The following PARD3 variants were observed in gnomAD, a reference collection of about 807,000 sequenced individuals.
PARD3 encodes par-3 family cell polarity regulator, also known as partitioning defective 3 homolog.
Under a neutral mutation model 155.4 loss-of-function variants are expected in PARD3, and 75 were observed. The observed-to-expected ratio is 0.48, with a 90% CI of 0.40 to 0.58. The LOEUF (loss-of-function observed/expected upper bound fraction) is 0.58. Among genes scored for constraint, PARD3 ranks in the 20% least tolerant of loss-of-function variants. PARD3 has a pLI of 0.00. For synonymous variants in PARD3, 576 were observed against 610.5 expected (o/e 0.94, Z 0.83); for missense variants, 1,642 against 1,721.7 (o/e 0.95, Z 0.82).
intron 1 of PARD3, among the ~76,000 whole-genome samples, chr10:34,807,443 G>C (rs1843548435): frequency 6.6e-6 from 1 of 152,074 alleles, no homozygotes; most frequent in Non-Finnish European, 1.5e-5. Context: ...GAATAGAACT[G>C]TGCAACCATC....
intron 22 of PARD3, among the ~76,000 whole-genome samples, chr10:34,222,470 T>A (rs189200100): frequency 1.3e-5 from 2 of 152,354 alleles, no homozygotes; most frequent in Admixed American, 1.3e-4. Context: ...GAACCTTCTA[T>A]GTACGTACCT....
At chr10:34,318,822 G>A (rs769960299) in intron 19 of PARD3, among the ~76,000 whole-genome samples, 4 of 152,048 alleles carry the variant, frequency 2.6e-5, no homozygotes, top group Non-Finnish European at 5.9e-5. Context: ...CTGGAGTGCA[G>A]TGGTGTGATC....
intron 1 of PARD3, among the ~76,000 whole-genome samples, chr10:34,699,186 T>C (rs1430920922): frequency 6.6e-6 from 1 of 152,188 alleles, no homozygotes; most frequent in East Asian, 1.9e-4. Context: ...CAAGCAATCA[T>C]GATAACATCA....
At chr10:34,219,119 C>G (rs1952152181) in intron 22 of PARD3, among the ~76,000 whole-genome samples, 1 of 152,120 alleles carries the variant, frequency 6.6e-6, no homozygotes, top group African/African-American at 2.4e-5. Flanking sequence ...CTGGGCCTGC[C>G]CACTTTATGT....
intron 4 of PARD3, among the ~76,000 whole-genome samples, chr10:34,458,924 A>AT (rs2077477527): frequency 6.6e-6 from 1 of 152,130 alleles, no homozygotes; most frequent in South Asian, 2.1e-4. Context: ...CGGGACCACC[A>AT]TTTTTGACCT....
chr10:34,120,790 C>G (rs1292179372), intron 23 of PARD3, among the ~76,000 whole-genome samples: 2 of 152,248 alleles, frequency 1.3e-5, no homozygotes. Context: ...TTAATCATCC[C>G]CTATAGAGAA....
intron 15 of PARD3, among the ~76,000 whole-genome samples, chr10:34,347,687 T>C (rs1459369140): frequency 2.0e-5 from 3 of 152,206 alleles, no homozygotes; most frequent in Admixed American, 2.0e-4. Flanking sequence ...AATATCTTGA[T>C]CACTAGAAAA....
chr10:34,415,176 C>T (rs896858032), intron 5 of PARD3, among the ~76,000 whole-genome samples: 19 of 150,066 alleles, frequency 1.3e-4, no homozygotes, highest in Non-Finnish European at 8.9e-5. Context: ...TCTCCACAAA[C>T]AAAAAAAAAG....
At chr10:34,458,647 T>G (rs2077459667) in intron 4 of PARD3, among the ~76,000 whole-genome samples, 3 of 152,170 alleles carry the variant, frequency 2.0e-5, no homozygotes, top group Non-Finnish European at 4.4e-5. Flanking sequence ...CAGGTATAAC[T>G]TAGATTATCT....
chr10:34,633,918 T>G (rs2092373628), intron 2 of PARD3, among the ~76,000 whole-genome samples: 2 of 152,194 alleles, frequency 1.3e-5, no homozygotes, highest in Admixed American at 6.5e-5. Context: ...ACTTTTCCTT[T>G]CTCTAGTTTT....
At chr10:34,229,368 T>C (rs1335044917) in intron 22 of PARD3, among the ~76,000 whole-genome samples, 1 of 152,016 alleles carries the variant, frequency 6.6e-6, no homozygotes, top group African/African-American at 2.4e-5. Context: ...TACAGGTGTG[T>C]ACCACTATGC....
intron 2 of PARD3, among the ~76,000 whole-genome samples, chr10:34,596,561 A>C (rs1382599891): frequency 6.6e-6 from 1 of 152,196 alleles, no homozygotes; most frequent in Non-Finnish European, 1.5e-5. Context: ...ACACACTATC[A>C]CAAGAACAGC....
chr10:34,122,486 A>G (rs540454120), intron 23 of PARD3, among the ~76,000 whole-genome samples: 1 of 152,352 alleles, frequency 6.6e-6, no homozygotes, highest in East Asian at 1.9e-4. Context: ...AAAACTTAAA[A>G]GGAGTGAATG....
At chr10:34,213,031 A>G (rs1328837981) in intron 22 of PARD3, among the ~76,000 whole-genome samples, 1 of 152,164 alleles carries the variant, frequency 6.6e-6, no homozygotes, top group African/African-American at 2.4e-5. Flanking sequence ...AGCTTGCCCA[A>G]GTGTTTTATC....
At chr10:34,768,371 G>GGGACAACTCGAAGCAAAGGCA (rs1410062504) in intron 1 of PARD3, among the ~76,000 whole-genome samples, 5,904 of 132,788 alleles carry the variant, frequency 0.044, 407 homozygotes, top group African/African-American at 0.16. Context: ...AAGCAAAGGC[G>GGGACAACTCGAAGCAAAGGCA]GGACAACTCG....
chr10:34,663,691 T>C (rs1346351043), intron 2 of PARD3, among the ~76,000 whole-genome samples: 1 of 152,218 alleles, frequency 6.6e-6, no homozygotes, highest in Non-Finnish European at 1.5e-5. Flanking sequence ...ACCCTGTTTA[T>C]GCTTCAGAGG....
At chr10:34,518,253 T>C (rs1018712630) in intron 2 of PARD3, among the ~76,000 whole-genome samples, 2 of 152,228 alleles carry the variant, frequency 1.3e-5, no homozygotes, top group Non-Finnish European at 2.9e-5. Flanking sequence ...TAAATGTTAA[T>C]GAATGTGTGA....
At chr10:34,701,166 G>A (rs1033180209) in intron 1 of PARD3, among the ~76,000 whole-genome samples, 1 of 152,176 alleles carries the variant, frequency 6.6e-6, no homozygotes, top group Non-Finnish European at 1.5e-5. Context: ...ACAAGAGGAG[G>A]ACCCTGAGCA....
chr10:34,225,339 T>C (rs1952532632), intron 22 of PARD3, among the ~76,000 whole-genome samples: 1 of 147,478 alleles, frequency 6.8e-6, no homozygotes. Flanking sequence ...ACTGGACTAG[T>C]TTTTTTTCTC....
Sources: gnomAD v4.1 joint callset for allele counts (sites outside exome capture counted in the v4.1 genomes callset) on GRCh38, gnomAD v4.1.1 for gene constraint, MANE v1.5 for transcripts, NCBI Gene and HGNC (gene_info 2026-07-23, HGNC 2026-07-21) for gene names.